The following SGCZ variants were observed in gnomAD, a reference collection of about 807,000 sequenced individuals.
SGCZ encodes sarcoglycan zeta.
A neutral mutation model predicts 41.3 loss-of-function variants in SGCZ; 40 were observed. The observed-to-expected ratio is 0.97, with a 90% CI of 0.75 to 1.26. The LOEUF (loss-of-function observed/expected upper bound fraction) is 1.26. Among genes scored for constraint, SGCZ ranks in the 50% most tolerant of loss-of-function variants. The pLI, the probability that SGCZ is intolerant of heterozygous loss-of-function variation, is 0.00. For synonymous variants in SGCZ, 206 were observed against 137.5 expected (o/e 1.50, Z -3.49); for missense variants, 552 against 369.8 (o/e 1.49, Z -4.04).
At chr8:14,932,870 CTG>C (rs1585390502) in intron 1 of SGCZ, among the ~76,000 whole-genome samples, 1 of 152,038 alleles carries the variant, frequency 6.6e-6, no homozygotes, top group East Asian at 1.9e-4. Flanking sequence ...GATGTGAAAA[CTG>C]TGCATCTAGT....
intron 1 of SGCZ, among the ~76,000 whole-genome samples, chr8:15,211,146 A>G (rs1421372437): frequency 6.6e-6 from 1 of 151,758 alleles, no homozygotes; most frequent in East Asian, 1.9e-4. Context: ...CAGATATTCT[A>G]TATGTTGATA....
intron 1 of SGCZ, among the ~76,000 whole-genome samples, chr8:14,898,756 A>G (rs923683864): frequency 1.3e-5 from 2 of 152,200 alleles, no homozygotes; most frequent in Admixed American, 6.5e-5. Flanking sequence ...AAGATAGAGA[A>G]TACTAGTTGG....
chr8:14,652,983 T>C (rs1807452503), intron 1 of SGCZ, among the ~76,000 whole-genome samples: 1 of 152,136 alleles, frequency 6.6e-6, no homozygotes, highest in African/African-American at 2.4e-5. Context: ...CACTTTCAAA[T>C]GACTTCAGAT....
At chr8:15,161,871 T>C (rs1799520624) in intron 1 of SGCZ, among the ~76,000 whole-genome samples, 1 of 151,992 alleles carries the variant, frequency 6.6e-6, no homozygotes, top group African/African-American at 2.4e-5. Context: ...CCCATATCTA[T>C]AAAAATTACA....
chr8:14,111,089 A>G (rs976834251), intron 5 of SGCZ, among the ~76,000 whole-genome samples: 1 of 152,058 alleles, frequency 6.6e-6, no homozygotes, highest in African/African-American at 2.4e-5. Flanking sequence ...AAACTTTAAA[A>G]AAAAACTGTC....
chr8:15,201,049 C>G (rs1304871159), intron 1 of SGCZ, among the ~76,000 whole-genome samples: 2 of 152,222 alleles, frequency 1.3e-5, no homozygotes, highest in Non-Finnish European at 2.9e-5. Flanking sequence ...CAAAGTCTCA[C>G]TCTGTCACCC....
intron 2 of SGCZ, among the ~76,000 whole-genome samples, chr8:14,360,399 C>T (rs114872897): frequency 0.012 from 1,885 of 151,756 alleles, 34 homozygotes; most frequent in African/African-American, 0.042. Flanking sequence ...GATCTCAACT[C>T]GCTGTAACCT....
At chr8:14,872,236 T>G (rs781480989) in intron 1 of SGCZ, among the ~76,000 whole-genome samples, 9 of 151,972 alleles carry the variant, frequency 5.9e-5, no homozygotes, top group Non-Finnish European at 1.2e-4. Flanking sequence ...GTTGATGGGT[T>G]CAGCAAACCA....
chr8:14,358,156 T>C (rs1337965088), intron 2 of SGCZ, among the ~76,000 whole-genome samples: 2 of 152,198 alleles, frequency 1.3e-5, no homozygotes, highest in East Asian at 1.9e-4. Context: ...TCCATGTAAT[T>C]GGTTACATGA....
chr8:14,984,430 T>C (rs1366312415), intron 1 of SGCZ, among the ~76,000 whole-genome samples: 1 of 152,218 alleles, frequency 6.6e-6, no homozygotes, highest in Non-Finnish European at 1.5e-5. Flanking sequence ...AATTCATTTT[T>C]AGAGATTATT....
intron 1 of SGCZ, among the ~76,000 whole-genome samples, chr8:14,772,959 G>T (rs1420293455): frequency 6.6e-6 from 1 of 151,958 alleles, no homozygotes; most frequent in East Asian, 1.9e-4. Flanking sequence ...GGGATGGCTG[G>T]GTCAAATGGC....
chr8:14,927,522 G>T (rs1393991021), intron 1 of SGCZ, among the ~76,000 whole-genome samples: 1 of 150,376 alleles, frequency 6.6e-6, no homozygotes, highest in African/African-American at 2.4e-5. Context: ...ATAAGAAGAA[G>T]AGCAAGAAGA....
chr8:15,210,022 G>A (rs1365401129), intron 1 of SGCZ, among the ~76,000 whole-genome samples: 1 of 152,110 alleles, frequency 6.6e-6, no homozygotes, highest in Non-Finnish European at 1.5e-5. Flanking sequence ...ATCAGGTAAT[G>A]TGTTTCGAAA....
chr8:14,841,687 A>T (rs1225166803), intron 1 of SGCZ, among the ~76,000 whole-genome samples: 1 of 152,206 alleles, frequency 6.6e-6, no homozygotes, highest in Non-Finnish European at 1.5e-5. Context: ...ACAAGCCCAT[A>T]CTAAATGGAA....
chr8:14,933,266 A>G (rs1313973131), intron 1 of SGCZ, among the ~76,000 whole-genome samples: 2 of 151,800 alleles, frequency 1.3e-5, no homozygotes, highest in Non-Finnish European at 2.9e-5. Flanking sequence ...ATCTGCCAAA[A>G]CCTAGTAACT....
intron 4 of SGCZ, among the ~76,000 whole-genome samples, chr8:14,218,628 T>C (rs1445038531): frequency 2.0e-5 from 3 of 152,250 alleles, no homozygotes; most frequent in Admixed American, 6.5e-5. Flanking sequence ...ATTTCTCACT[T>C]TATTTTTTCT....
chr8:14,907,863 A>G (rs1159906946), intron 1 of SGCZ, among the ~76,000 whole-genome samples: 1 of 152,166 alleles, frequency 6.6e-6, no homozygotes, highest in Non-Finnish European at 1.5e-5. Context: ...ATCCAAAATA[A>G]TATTTAGGAT....
At chr8:14,774,030 T>C (rs2130406255) in intron 1 of SGCZ, among the ~76,000 whole-genome samples, 1 of 152,334 alleles carries the variant, frequency 6.6e-6, no homozygotes, top group Admixed American at 6.5e-5. Flanking sequence ...TCGGCTCAGA[T>C]ATGCAGTCAA....
At chr8:14,607,330 T>G (rs569558889) in intron 1 of SGCZ, among the ~76,000 whole-genome samples, 1 of 152,336 alleles carries the variant, frequency 6.6e-6, no homozygotes, top group East Asian at 1.9e-4. Flanking sequence ...TTAATATTTT[T>G]ATCACTGAAT....
Sources: allele counts gnomAD v4.1 joint callset (sites outside exome capture counted in the v4.1 genomes callset), GRCh38; gene constraint gnomAD v4.1.1; transcripts MANE v1.5; gene names NCBI Gene and HGNC (gene_info 2026-07-23, HGNC 2026-07-21).